Variants in CAMKK2 observed in about 807,000 individuals in gnomAD.
CAMKK2 encodes the protein calcium/calmodulin-dependent protein kinase kinase 2.
CAMKK2 carries 30 observed loss-of-function variants against 67.2 expected under a neutral mutation model. The observed-to-expected ratio is 0.45, with a 90% CI of 0.33 to 0.61. The LOEUF is 0.61. Among genes scored for constraint, CAMKK2 ranks in the 20% least tolerant of loss-of-function variants. The pLI is 0.02. For missense variants in CAMKK2, 643 were observed against 802.0 expected (o/e 0.80, Z 2.39); for synonymous variants, 322 against 326.2 (o/e 0.99, Z 0.14).
intron 5 of CAMKK2, among the ~76,000 whole-genome samples, chr12:121,267,877 T>A (rs1894936010): frequency 6.6e-6 from 1 of 151,874 alleles, no homozygotes; most frequent in Non-Finnish European, 1.5e-5. Context: ...TTTCCCCTGT[T>A]CCCCAGAGCC....
chr12:121,260,335 C>T lies in CAMKK2; in HGVS notation c.780G>A (p.Glu260=), dbSNP rs1163448024. The T allele has an allele frequency of 8.1e-6, 13 of 1,610,940 alleles. No individual in the cohort carries two copies. Among genetic ancestry groups the T allele is most frequent in the Non-Finnish European group, 9.3e-6 (11 of 1,179,084 alleles). The change falls in exon 7 of 17, where the codon GAG becomes GAA. Residue 260 remains glutamate (E), a synonymous_variant. Coordinates refer to ENST00000404169, the MANE Select transcript of CAMKK2 (RefSeq NM_001270485.2). ...CTTCCTTACCCATGTACAGATGGTC[C>T]TCATTGGGGTCATCCAGGACCTTGG... ...KLVEVLDDPN[E]DHLYMVFELV...
intron 1 of CAMKK2, among the ~76,000 whole-genome samples, chr12:121,287,376 A>G (rs1898955424): frequency 6.6e-6 from 1 of 152,146 alleles, no homozygotes; most frequent in African/African-American, 2.4e-5. Flanking sequence ...GCACATTCTC[A>G]CATGGCTTTT....
intron 16 of CAMKK2, 150 bp downstream of exon 16, chr12:121,244,423 C>T: frequency 1.3e-6 from 1 of 758,074 alleles, no homozygotes; most frequent in South Asian, 1.8e-5. Flanking sequence ...CATTCTAATA[C>T]TGGGTCTGGA....
In CAMKK2 at chr12:121,242,627, C is replaced by G. The variant is rs909755549; in HGVS notation, c.1597-1758G>C. Among the ~76,000 whole-genome samples the G allele has an allele frequency of 2.0e-5, 3 of 152,378 alleles. No homozygotes were observed. In the East Asian group the frequency reaches 5.8e-4, roughly 29 times the overall value. ...CTGAAGGACTGCCATTTTCCCTGCT[C>G]TATGCTGGAGGGCAAGGTTTCTCTC... On this transcript the variant is annotated intron_variant, in intron 16 of 16. Transcript: ENST00000404169.
chr12:121,257,781 A>G (rs1892637379), intron 7 of CAMKK2, among the ~76,000 whole-genome samples: 1 of 152,074 alleles, frequency 6.6e-6, no homozygotes, highest in Admixed American at 6.6e-5. Flanking sequence ...TCTACAGACA[A>G]CCCAGCGCTG....
At chr12:121,279,857 G>A (rs1222344385) in intron 1 of CAMKK2, among the ~76,000 whole-genome samples, 1 of 152,260 alleles carries the variant, frequency 6.6e-6, no homozygotes, top group African/African-American at 2.4e-5. Context: ...CTGCCAGGAA[G>A]CTGAGTGGCG....
intron 1 of CAMKK2, among the ~76,000 whole-genome samples, chr12:121,277,464 A>G (rs1055856343): frequency 6.6e-6 from 1 of 152,248 alleles, no homozygotes; most frequent in African/African-American, 2.4e-5. Context: ...CACAATAGCC[A>G]AAAGGTATAA....
At chr12:121,291,475 A>G (rs530895376) in intron 1 of CAMKK2, among the ~76,000 whole-genome samples, 3 of 152,370 alleles carry the variant, frequency 2.0e-5, no homozygotes, top group Admixed American at 2.0e-4. Flanking sequence ...CCACTATGGC[A>G]TGGATCAGTC....
Position 121,266,181 on chromosome 12 carries a change from C to A in CAMKK2, c.626-2242G>T, listed in dbSNP as rs191855980. On this transcript the variant is annotated intron_variant, in intron 5 of 16. Transcript: ENST00000404169. ...CTCCTGGGCTCAAGTGATTTGCCCA[C>A]CACTGCCTCCCAAAGTGCTGGCGTG... is the stretch of plus-strand genomic sequence containing the variant. Among the ~76,000 whole-genome samples, 13 of 152,348 alleles carry A rather than the reference C, an allele frequency of 8.5e-5. No homozygotes were observed. In the East Asian group the frequency reaches 2.5e-3, roughly 29 times the overall value.
At chr12:121,244,970 G>A (rs934219455) in intron 15 of CAMKK2, among the ~76,000 whole-genome samples, 170 bp downstream of exon 15, 1 of 152,258 alleles carries the variant, frequency 6.6e-6, no homozygotes. Context: ...GAGGTGGGCT[G>A]AGCCCAGGTT....
At chr12:121,294,691 G>A (rs1016125613) in intron 1 of CAMKK2, among the ~76,000 whole-genome samples, 2 of 152,104 alleles carry the variant, frequency 1.3e-5, no homozygotes, top group Non-Finnish European at 2.9e-5. Flanking sequence ...CTATAAAATG[G>A]GGCTAAATCC....
chr12:121,260,547 C>A (rs1246804954), intron 6 of CAMKK2, 192 bp from the exon 7 acceptor site: 3 of 593,904 alleles, frequency 5.1e-6, no homozygotes, highest in East Asian at 3.0e-5. Context: ...AATGGCTATT[C>A]GGAAAATAAA....
In CAMKK2 at chr12:121,240,234, G is replaced by A; in HGVS notation, c.*465C>T. 3 of 602,088 alleles carry A rather than the reference G, an allele frequency of 5.0e-6. No individual in the cohort carries two copies. Among genetic ancestry groups the A allele is most frequent in the South Asian group, 4.2e-5 (2 of 48,072 alleles). The allele number at this position is 602,088 out of a possible 1,614,324, so 37.3% of individuals were successfully genotyped here. A position where few individuals can be genotyped will look rare whatever the true frequency, so the allele number is the denominator to read the frequency against. ...GGCTCTGGAAGGTGCCATGGTTTCC[G>A]GTTTGCACTAGGAGCCACATCTAGC... On this transcript the variant is annotated 3_prime_UTR_variant, in exon 17 of 17. Transcript: ENST00000404169. The surrounding 1 kb of genome is among the most constrained non-coding windows in gnomAD (Gnocchi z 4.4).
intron 7 of CAMKK2, among the ~76,000 whole-genome samples, 188 bp downstream of exon 7, chr12:121,260,131 C>T (rs1893139302): frequency 6.6e-6 from 1 of 152,236 alleles, no homozygotes; most frequent in Non-Finnish European, 1.5e-5. Flanking sequence ...GATAAAGTTC[C>T]AGCAAGAACT....
chr12:121,268,829 G>A, intron 4 of CAMKK2, 140 bp from the exon 5 acceptor site: 2 of 749,032 alleles, frequency 2.7e-6, no homozygotes, highest in East Asian at 5.2e-5. Context: ...CAGGTCAACA[G>A]AGTGAGCCCC....
At chr12:121,286,881 C>G (rs1424378306) in intron 1 of CAMKK2, among the ~76,000 whole-genome samples, 2 of 151,914 alleles carry the variant, frequency 1.3e-5, no homozygotes, top group Non-Finnish European at 2.9e-5. Context: ...ACTGAATTCA[C>G]GACCCTCAGT....
At chr12:121,268,830 A>T in intron 4 of CAMKK2, 141 bp from the exon 5 acceptor site, 1 of 744,038 alleles carries the variant, frequency 1.3e-6, no homozygotes, top group East Asian at 2.6e-5. Context: ...AGGTCAACAG[A>T]GTGAGCCCCT....
At position 121,240,929 on chromosome 12, in the gene CAMKK2, C is replaced by T; in HGVS notation, c.1597-60G>A. On this transcript the variant is annotated intron_variant, in intron 16 of 16. Transcript: ENST00000404169. The surrounding 1 kb of genome is among the most constrained non-coding windows in gnomAD (Gnocchi z 4.4). ...TGAGAAATGCCAGCGAGGCCCTGAG[C>T]CAGCTGCTCCCACATCTGGGCCCCC... 1 of 1,566,752 alleles carries T rather than the reference C, an allele frequency of 6.4e-7. No homozygotes were observed. Among genetic ancestry groups the T allele is most frequent in the East Asian group, 2.3e-5 (1 of 44,414 alleles).
At position 121,289,560 on chromosome 12, in the gene CAMKK2, G is replaced by A. The variant is rs371132487; in HGVS notation, c.-60+7078C>T. On this transcript the variant is annotated intron_variant, in intron 1 of 16. Coordinates refer to ENST00000404169, the MANE Select transcript of CAMKK2 (RefSeq NM_001270485.2). Reference sequence around the variant, plus strand: ...CATCCCATAACCTGCCAGGGAAGGTGGACTCCACTCCATCAGAAAACGAGC... The same window carrying A: ...CATCCCATAACCTGCCAGGGAAGGTAGACTCCACTCCATCAGAAAACGAGC... Among the ~76,000 whole-genome samples the A allele has an allele frequency of 2.0e-4, 31 of 152,306 alleles. No individual in the cohort carries two copies. The East Asian group carries it at 5.0e-3, about 25-fold the overall frequency.
Sources: gnomAD v4.1 joint callset for allele counts (sites outside exome capture counted in the v4.1 genomes callset) on GRCh38, gnomAD v4.1.1 for gene constraint, Gnocchi (gnomAD v3.1) non-coding constraint, MANE v1.5 for transcripts, NCBI Gene and HGNC (gene_info 2026-07-23, HGNC 2026-07-21) for gene names.